LDLRAD3: variants seen among roughly 807,000 people sequenced by gnomAD.
LDLRAD3 encodes the protein low density lipoprotein receptor class A domain containing 3.
A neutral mutation model predicts 29.4 loss-of-function variants in LDLRAD3; 20 were observed. The ratio of observed to expected loss-of-function variants is 0.68; its 90% CI spans 0.48 to 0.99. LDLRAD3 has a LOEUF of 0.99. LDLRAD3 is among the 50% of genes least tolerant of loss of function. The pLI is 0.00. For synonymous variants in LDLRAD3, 157 were observed against 192.7 expected (o/e 0.81, Z 1.53); for missense variants, 420 against 454.3 (o/e 0.92, Z 0.69).
At chr11:36,156,093 G>C (rs977665100) in intron 4 of LDLRAD3, among the ~76,000 whole-genome samples, 4 of 152,220 alleles carry the variant, frequency 2.6e-5, no homozygotes, top group African/African-American at 9.6e-5. Flanking sequence ...TGACTCTGCT[G>C]ATTCGAGGTA....
At chr11:35,968,514 C>T (rs1851370228) in intron 1 of LDLRAD3, 1 of 331,696 alleles carries the variant, frequency 3.0e-6, no homozygotes, top group Non-Finnish European at 5.9e-6. Flanking sequence ...GTGTTGAGTT[C>T]ATGCACGTTA....
intron 1 of LDLRAD3, among the ~76,000 whole-genome samples, chr11:35,946,008 G>T (rs1305473721): frequency 6.6e-6 from 1 of 152,198 alleles, no homozygotes; most frequent in African/African-American, 2.4e-5. Flanking sequence ...TAGAGTTGCT[G>T]CCTTAGAAAC....
Position 36,068,657 on chromosome 11 carries a change from C to G in LDLRAD3, c.194-12996C>G, listed in dbSNP as rs55794561. 7.3e-3 allele frequency among the ~76,000 whole-genome samples: 1,105 copies of G among 152,304 alleles called. 20 individuals are homozygous for G. The highest frequency in any genetic ancestry group is 0.025 in the African/African-American group (1,056 of 41,574). ...TCAACCTCCCGAGTAGCTGGGACTA[C>G]AGGCATGTGCCACCACACCTGGCTA... On this transcript the variant is annotated intron_variant, in intron 2 of 5. Coordinates refer to ENST00000315571, the MANE Select transcript of LDLRAD3 (RefSeq NM_174902.4).
intron 4 of LDLRAD3, among the ~76,000 whole-genome samples, chr11:36,163,948 T>G (rs1003846155): frequency 6.6e-6 from 1 of 152,238 alleles, no homozygotes; most frequent in African/African-American, 2.4e-5. Context: ...GCTGAGTGGC[T>G]TCAGTTTTCA....
intron 1 of LDLRAD3, among the ~76,000 whole-genome samples, chr11:35,977,464 A>G (rs1482328905): frequency 6.6e-6 from 1 of 152,186 alleles, no homozygotes; most frequent in Admixed American, 6.5e-5. Flanking sequence ...GAAGGGGTTC[A>G]TTATGAAGGG....
intron 4 of LDLRAD3, among the ~76,000 whole-genome samples, chr11:36,167,081 A>G (rs1854526425): frequency 6.6e-6 from 1 of 152,208 alleles, no homozygotes; most frequent in South Asian, 2.1e-4. Flanking sequence ...GAATGATATT[A>G]ATTTATTTTA....
intron 2 of LDLRAD3, among the ~76,000 whole-genome samples, chr11:36,036,677 A>G (rs1590219020): frequency 6.6e-6 from 1 of 152,042 alleles, no homozygotes; most frequent in African/African-American, 2.4e-5. Flanking sequence ...GCACCGTGGA[A>G]TTTTCTTGAT....
intron 2 of LDLRAD3, among the ~76,000 whole-genome samples, chr11:36,046,531 A>G (rs1336076549): frequency 6.6e-6 from 1 of 151,874 alleles, no homozygotes; most frequent in Non-Finnish European, 1.5e-5. Flanking sequence ...TTTCTTTTTT[A>G]AGGACACTGA....
chr11:36,216,075 TG>T (rs1855348613), intron 4 of LDLRAD3, among the ~76,000 whole-genome samples: 1 of 152,202 alleles, frequency 6.6e-6, no homozygotes, highest in African/African-American at 2.4e-5. Flanking sequence ...CTGCTCCCAG[TG>T]CTTGGCCATC....
At chr11:36,148,076 G>T (rs962387089) in intron 4 of LDLRAD3, among the ~76,000 whole-genome samples, 4 of 152,032 alleles carry the variant, frequency 2.6e-5, no homozygotes, top group African/African-American at 7.3e-5. Context: ...TCACCATGTT[G>T]GCCAGGCTGG....
At chr11:36,111,614 T>C (rs1853606616) in intron 4 of LDLRAD3, among the ~76,000 whole-genome samples, 1 of 151,572 alleles carries the variant, frequency 6.6e-6, no homozygotes, top group Admixed American at 6.6e-5. Flanking sequence ...TTTTTTTCTT[T>C]CTCTGAGATG....
chr11:36,198,792 T>C (rs16928518), intron 4 of LDLRAD3, among the ~76,000 whole-genome samples: 55,934 of 152,126 alleles, frequency 0.37, 10,473 homozygotes, highest in East Asian at 0.51. Context: ...GTCTGAACAC[T>C]TCATTTAGGT....
chr11:36,001,220 C>CT (rs1420176279), intron 1 of LDLRAD3: 1 of 152,124 alleles, frequency 6.6e-6, no homozygotes, highest in East Asian at 1.9e-4. Context: ...TTTTATTATA[C>CT]TTTTAAGTTT....
chr11:36,031,146 A>G (rs1209420798), intron 1 of LDLRAD3, among the ~76,000 whole-genome samples: 1 of 152,068 alleles, frequency 6.6e-6, no homozygotes, highest in East Asian at 1.9e-4. Flanking sequence ...TGCAGTGAAA[A>G]TGGGCAACTC....
chr11:35,978,548 TGCTTG>T (rs912790170), intron 1 of LDLRAD3, among the ~76,000 whole-genome samples: 1 of 152,186 alleles, frequency 6.6e-6, no homozygotes, highest in African/African-American at 2.4e-5. Flanking sequence ...AGCTTTGCTT[TGCTTG>T]GGACATGTGA....
intron 1 of LDLRAD3, among the ~76,000 whole-genome samples, chr11:35,979,920 C>A (rs1163931734): frequency 6.6e-6 from 1 of 152,112 alleles, no homozygotes; most frequent in Non-Finnish European, 1.5e-5. Context: ...TTTATCAATG[C>A]GGAGCATCAT....
At chr11:35,970,920 T>C (rs1851403737) in intron 1 of LDLRAD3, among the ~76,000 whole-genome samples, 1 of 152,232 alleles carries the variant, frequency 6.6e-6, no homozygotes, top group Admixed American at 6.5e-5. Flanking sequence ...ACCTTTACCT[T>C]TATAGAGAGG....
intron 4 of LDLRAD3, chr11:36,163,196 C>A (rs1365259310): frequency 3.9e-5 from 6 of 152,276 alleles, no homozygotes; most frequent in African/African-American, 1.4e-4. Flanking sequence ...TGATTTCCAA[C>A]ACAGGCAGTT....
At chr11:36,078,858 G>A (rs1853062022) in intron 2 of LDLRAD3, among the ~76,000 whole-genome samples, 1 of 152,176 alleles carries the variant, frequency 6.6e-6, no homozygotes, top group Non-Finnish European at 1.5e-5. Flanking sequence ...GGTGCAGGTG[G>A]TACGGCAGCC....
Sources: allele counts gnomAD v4.1 joint callset (sites outside exome capture counted in the v4.1 genomes callset), GRCh38; gene constraint gnomAD v4.1.1; transcripts MANE v1.5; gene names NCBI Gene and HGNC (gene_info 2026-07-23, HGNC 2026-07-21).